PITPNC1: variants seen among roughly 807,000 people sequenced by gnomAD.
The protein encoded by PITPNC1 is cytoplasmic phosphatidylinositol transfer protein 1.
A neutral mutation model predicts 44.7 loss-of-function variants in PITPNC1; 18 were observed. The ratio of observed to expected loss-of-function variants is 0.40; its 90% CI spans 0.28 to 0.60. The LOEUF is 0.60. PITPNC1 is among the 20% of genes least tolerant of loss of function. PITPNC1 has a pLI of 0.39. For missense variants in PITPNC1, 290 were observed against 418.4 expected (o/e 0.69, Z 2.68); for synonymous variants, 141 against 149.6 (o/e 0.94, Z 0.42).
At chr17:67,441,645 C>T (rs1235282021) in intron 1 of PITPNC1, among the ~76,000 whole-genome samples, 5 of 152,250 alleles carry the variant, frequency 3.3e-5, no homozygotes, top group Middle Eastern at 3.4e-3. Flanking sequence ...CAAGCCCCGA[C>T]GTCAATTATT....
At chr17:67,562,055 AT>A (rs2040913478) in intron 4 of PITPNC1, among the ~76,000 whole-genome samples, 1 of 152,338 alleles carries the variant, frequency 6.6e-6, no homozygotes, top group East Asian at 1.9e-4. Context: ...ATGAGCCTGA[AT>A]TTCGTTTCCC....
chr17:67,467,898 A>C (rs542531368), intron 1 of PITPNC1, among the ~76,000 whole-genome samples: 1 of 152,302 alleles, frequency 6.6e-6, no homozygotes, highest in East Asian at 1.9e-4. Context: ...GAGACTCCTA[A>C]TGTGTCAGAA....
At chr17:67,504,900 G>A (rs185470096) in intron 1 of PITPNC1, among the ~76,000 whole-genome samples, 1 of 152,242 alleles carries the variant, frequency 6.6e-6, no homozygotes, top group African/African-American at 2.4e-5. Context: ...AGGTAGCACA[G>A]CCTTAGCTGT....
chr17:67,616,655 C>A (rs192636654), intron 5 of PITPNC1, among the ~76,000 whole-genome samples: 1 of 152,228 alleles, frequency 6.6e-6, no homozygotes, highest in Non-Finnish European at 1.5e-5. Context: ...TTGTTGAGCA[C>A]CGGTTTGCTG....
intron 6 of PITPNC1, among the ~76,000 whole-genome samples, chr17:67,646,569 C>G (rs2042152085): frequency 6.6e-6 from 1 of 152,194 alleles, no homozygotes; most frequent in Non-Finnish European, 1.5e-5. Context: ...GTCGCCCAAG[C>G]TGGAGTGCAG....
At chr17:67,689,342 C>A (rs1275169085) in intron 8 of PITPNC1, among the ~76,000 whole-genome samples, 1 of 152,164 alleles carries the variant, frequency 6.6e-6, no homozygotes, top group Non-Finnish European at 1.5e-5. Context: ...TGCCCCTCAG[C>A]GTTGTTCCCG....
At chr17:67,383,682 G>A (rs541177756) in intron 1 of PITPNC1, among the ~76,000 whole-genome samples, 3 of 152,306 alleles carry the variant, frequency 2.0e-5, no homozygotes, top group South Asian at 2.1e-4. Context: ...CTCAAGAGAC[G>A]CTAAGCACAT....
intron 5 of PITPNC1, among the ~76,000 whole-genome samples, chr17:67,596,534 A>G (rs529281354): frequency 2.0e-5 from 3 of 152,164 alleles, no homozygotes; most frequent in Non-Finnish European, 2.9e-5. Flanking sequence ...CTTTTGAGAT[A>G]GAGTCTCGCT....
At chr17:67,513,489 G>GTGTGTGTATA (rs772483698) in intron 1 of PITPNC1, among the ~76,000 whole-genome samples, 1 of 138,670 alleles carries the variant, frequency 7.2e-6, no homozygotes, top group African/African-American at 2.7e-5. Context: ...GTGTGTGTGT[G>GTGTGTGTATA]TATATATATA....
At chr17:67,441,202 T>G (rs796336263) in intron 1 of PITPNC1, among the ~76,000 whole-genome samples, 3 of 152,310 alleles carry the variant, frequency 2.0e-5, no homozygotes, top group African/African-American at 7.2e-5. Flanking sequence ...TGTCATCTTC[T>G]GTATCTCCCT....
At chr17:67,445,717 G>A (rs1197925698) in intron 1 of PITPNC1, among the ~76,000 whole-genome samples, 1 of 152,000 alleles carries the variant, frequency 6.6e-6, no homozygotes, top group African/African-American at 2.4e-5. Flanking sequence ...ATCCCACTGG[G>A]TTTAATCCTT....
Position 67,508,483 on chromosome 17 carries a change from G to A in PITPNC1, c.49-24319G>A, listed in dbSNP as rs1228116618. 2.0e-5 allele frequency among the ~76,000 whole-genome samples: 3 copies of A among 152,140 alleles called. No homozygotes were observed. The highest frequency in any genetic ancestry group is 2.1e-4 in the South Asian group (1 of 4,822). ...AGGACGACCAGAGGTCACTCCTGTC[G>A]CCATCTTGGTTTTGGTGGGTTTTAC... On this transcript the variant is annotated intron_variant, in intron 1 of 8. Coordinates refer to ENST00000581322, the MANE Select transcript of PITPNC1 (RefSeq NM_012417.4). The surrounding 1 kb of genome is among the most constrained non-coding windows in gnomAD (Gnocchi z 4.2).
chr17:67,586,963 A>C (rs1323500790), intron 5 of PITPNC1, among the ~76,000 whole-genome samples: 1 of 152,116 alleles, frequency 6.6e-6, no homozygotes, highest in Non-Finnish European at 1.5e-5. Flanking sequence ...TCTATTTTGA[A>C]AACAGAGTGA....
chr17:67,616,090 C>T (rs1220446284), intron 5 of PITPNC1, among the ~76,000 whole-genome samples: 1 of 152,144 alleles, frequency 6.6e-6, no homozygotes, highest in South Asian at 2.1e-4. Context: ...ATTTGTGATC[C>T]TTCCGCATGT....
chr17:67,502,276 T>C (rs2144071235), intron 1 of PITPNC1, among the ~76,000 whole-genome samples: 1 of 147,080 alleles, frequency 6.8e-6, no homozygotes, highest in South Asian at 2.2e-4. Flanking sequence ...TTTTAAGATT[T>C]ACTTGTACTT....
chr17:67,530,455 CCCT>C (rs2040446905), intron 1 of PITPNC1, among the ~76,000 whole-genome samples: 3 of 152,058 alleles, frequency 2.0e-5, no homozygotes, highest in African/African-American at 7.2e-5. Context: ...CTGCCTGTGT[CCCT>C]GTCTAAGTTT....
intron 1 of PITPNC1, among the ~76,000 whole-genome samples, chr17:67,393,607 G>A (rs372443615): frequency 1.3e-5 from 2 of 152,074 alleles, no homozygotes; most frequent in African/African-American, 2.4e-5. Context: ...TGCAGCCAGC[G>A]AAATACTTGG....
intron 2 of PITPNC1, among the ~76,000 whole-genome samples, chr17:67,533,372 C>T (rs1300432652): frequency 6.6e-6 from 1 of 152,194 alleles, no homozygotes; most frequent in African/African-American, 2.4e-5. Flanking sequence ...GCTTTCGGCT[C>T]ATCTTTCCCA....
At chr17:67,681,966 G>A (rs112183217) in intron 8 of PITPNC1, among the ~76,000 whole-genome samples, 2,029 of 152,244 alleles carry the variant, frequency 0.013, 21 homozygotes, top group Admixed American at 0.022. Flanking sequence ...GGGAGACCGA[G>A]GCAGGCAGAT....
Sources: gnomAD v4.1 joint callset for allele counts (sites outside exome capture counted in the v4.1 genomes callset) on GRCh38, gnomAD v4.1.1 for gene constraint, Gnocchi (gnomAD v3.1) non-coding constraint, MANE v1.5 for transcripts, NCBI Gene and HGNC (gene_info 2026-07-23, HGNC 2026-07-21) for gene names.